Variants in TOX observed in about 807,000 individuals in gnomAD.
TOX encodes the protein thymocyte selection-associated high mobility group box protein TOX.
In TOX, 11 loss-of-function variants were observed where a neutral mutation model predicts 53.7. The observed-to-expected ratio is 0.20, with a 90% CI of 0.13 to 0.34. The LOEUF is 0.34. Ranked by LOEUF, TOX falls within the 10% of genes least tolerant of loss-of-function variation. The pLI is 1.00. For synonymous variants in TOX, 225 were observed against 245.3 expected, an observed-to-expected ratio of 0.92 and a Z score of 0.77; for missense variants, 570 against 664.6, an observed-to-expected ratio of 0.86 and a Z score of 1.56.
intron 1 of TOX, among the ~76,000 whole-genome samples, chr8:59,086,806 A>C (rs1334629727): frequency 1.3e-5 from 2 of 152,178 alleles, no homozygotes; most frequent in Non-Finnish European, 2.9e-5. Context: ...GCCTTAAGGC[A>C]CTCTCTGATG....
intron 1 of TOX, among the ~76,000 whole-genome samples, chr8:58,976,812 G>A (rs1813109426): frequency 6.6e-6 from 1 of 152,204 alleles, no homozygotes; most frequent in Admixed American, 6.5e-5. Context: ...GTGACTAGGT[G>A]CCTTGTTAGT....
chr8:58,890,506 T>C (rs1473019277), intron 3 of TOX, among the ~76,000 whole-genome samples: 1 of 152,094 alleles, frequency 6.6e-6, no homozygotes, highest in Non-Finnish European at 1.5e-5. Context: ...ATTGGATATA[T>C]GAGGAACAAG....
rs141034777 is a variant in TOX at position 58,950,326 on chromosome 8, T to C, written c.168+9617A>G. 2.1e-3 allele frequency among the ~76,000 whole-genome samples: 317 copies of C among 152,312 alleles called. 1 individual carries two copies. Among genetic ancestry groups the C allele is most frequent in the African/African-American group, 7.2e-3 (300 of 41,574 alleles). The stretch of plus-strand genomic sequence containing the variant: ...TGTCTCTTGAGTAGAAATCAACAAA[T>C]GCTGGGTGCAAACTCACATTCTGCA... On this transcript the variant is annotated intron_variant, in intron 2 of 8. Coordinates refer to ENST00000361421, the MANE Select transcript of TOX (RefSeq NM_014729.3).
rs2129425388 is a variant in TOX at position 59,117,983 on chromosome 8, TA to T, written c.102+902del. Among the ~76,000 whole-genome samples, 1 of 151,714 alleles carries T rather than the reference TA, an allele frequency of 6.6e-6. No individual in the cohort carries two copies. Among genetic ancestry groups the T allele is most frequent in the Non-Finnish European group, 1.5e-5 (1 of 67,850 alleles). Reference sequence around the variant, plus strand: ...GAGAGAGTTCGAGAAGCCGGGAGAGTAACCCCCTCCCTCGTACCCCCTGACT... The same window carrying T: ...GAGAGAGTTCGAGAAGCCGGGAGAGTACCCCCTCCCTCGTACCCCCTGACT... On this transcript the variant is annotated intron_variant, in intron 1 of 8. Coordinates refer to ENST00000361421, the MANE Select transcript of TOX (RefSeq NM_014729.3). This position sits in a 1 kb window ranked among gnomAD's most constrained non-coding sequence, Gnocchi z 4.6.
rs182328952 is a variant in TOX, at chr8:59,059,391, G to T, written c.102+59495C>A. On this transcript the variant is annotated intron_variant, in intron 1 of 8. Coordinates refer to ENST00000361421, the MANE Select transcript of TOX (RefSeq NM_014729.3). Reference sequence around the variant, plus strand: ...CGGAAGAAAATAATTTAATTGGAAGGTAAAAAGAAGAAATATTTTACTCTT... The same window carrying T: ...CGGAAGAAAATAATTTAATTGGAAGTTAAAAAGAAGAAATATTTTACTCTT... 1.4e-4 allele frequency among the ~76,000 whole-genome samples: 21 copies of T among 152,142 alleles called. 1 individual carries two copies. In the East Asian group the frequency reaches 3.5e-3, roughly 25 times the overall value.
intron 6 of TOX, among the ~76,000 whole-genome samples, chr8:58,816,817 C>T (rs1214101368): frequency 6.6e-6 from 1 of 152,192 alleles, no homozygotes; most frequent in African/African-American, 2.4e-5. Flanking sequence ...CAATGCACCA[C>T]CGGGCAACCC....
intron 1 of TOX, among the ~76,000 whole-genome samples, chr8:59,062,392 C>CA (rs1804001585): frequency 6.6e-6 from 1 of 152,092 alleles, no homozygotes; most frequent in African/African-American, 2.4e-5. Context: ...AGGGCTGGTG[C>CA]AGGATGGTGG....
At chr8:59,033,761 A>G (rs1445374186) in intron 1 of TOX, among the ~76,000 whole-genome samples, 2 of 152,214 alleles carry the variant, frequency 1.3e-5, no homozygotes, top group Non-Finnish European at 2.9e-5. Context: ...TTTCCGACAG[A>G]GCCCACACTG....
intron 1 of TOX, among the ~76,000 whole-genome samples, chr8:58,978,431 A>G (rs1390429418): frequency 6.6e-6 from 1 of 152,172 alleles, no homozygotes; most frequent in African/African-American, 2.4e-5. Flanking sequence ...TCTGGGACCC[A>G]CCTTTGCAAG....
chr8:58,965,092 T>C lies in TOX; in HGVS notation c.103-5084A>G, dbSNP rs540657722. On this transcript the variant is annotated intron_variant, in intron 1 of 8. Transcript: ENST00000361421. The stretch of plus-strand genomic sequence containing the variant: ...CTTAGAAGTCAACTGAATTTAGGCA[T>C]CATAACTTTTCAAAATATATCTAAG... 1.4e-4 allele frequency among the ~76,000 whole-genome samples: 21 copies of C among 152,342 alleles called. No individual in the cohort carries two copies. The South Asian group carries it at 3.9e-3, about 29-fold the overall frequency.
chr8:59,077,851 C>T (rs1011065476), intron 1 of TOX, among the ~76,000 whole-genome samples: 1 of 152,140 alleles, frequency 6.6e-6, no homozygotes, highest in African/African-American at 2.4e-5. Context: ...GAAAGCCTGG[C>T]AACTCTATAT....
intron 3 of TOX, among the ~76,000 whole-genome samples, chr8:58,902,108 T>C (rs916892216): frequency 6.6e-6 from 1 of 152,200 alleles, no homozygotes; most frequent in African/African-American, 2.4e-5. Context: ...TTTATCTCAG[T>C]GCATTAAAAT....
chr8:58,941,781 G>A (rs1345106057), intron 2 of TOX, among the ~76,000 whole-genome samples: 7 of 152,142 alleles, frequency 4.6e-5, no homozygotes, highest in East Asian at 1.9e-4. Context: ...GGCGGGGCGC[G>A]GTGGCTCATA....
At chr8:58,930,279 A>G (rs2129175636) in intron 3 of TOX, among the ~76,000 whole-genome samples, 1 of 152,304 alleles carries the variant, frequency 6.6e-6, no homozygotes, top group South Asian at 2.1e-4. Flanking sequence ...AGTGGGAACA[A>G]ATAGATTCAT....
intron 1 of TOX, among the ~76,000 whole-genome samples, chr8:59,026,505 T>A (rs1192181827): frequency 6.6e-6 from 1 of 152,192 alleles, no homozygotes; most frequent in African/African-American, 2.4e-5. Context: ...TGCTATAGAC[T>A]CTCCAAGGAT....
intron 1 of TOX, among the ~76,000 whole-genome samples, chr8:58,977,624 T>C (rs924397738): frequency 6.6e-6 from 1 of 152,228 alleles, no homozygotes; most frequent in African/African-American, 2.4e-5. Context: ...AAGTGAGAGA[T>C]GTGAGACTCT....
intron 3 of TOX, among the ~76,000 whole-genome samples, chr8:58,924,516 A>T (rs534177444): frequency 2.1e-3 from 315 of 152,372 alleles, no homozygotes; most frequent in African/African-American, 7.0e-3. Context: ...CACACATTTT[A>T]TGCCTGAATG....
intron 6 of TOX, among the ~76,000 whole-genome samples, chr8:58,816,274 T>C (rs1384039167): frequency 6.6e-6 from 1 of 152,212 alleles, no homozygotes; most frequent in African/African-American, 2.4e-5. Flanking sequence ...AAAACTACAT[T>C]AATATACTCT....
Position 58,851,679 on chromosome 8 carries a change from T to C in TOX, c.538A>G (p.Thr180Ala). The C allele has an allele frequency of 2.5e-6, 4 of 1,613,708 alleles. No homozygotes were observed. The highest frequency in any genetic ancestry group is 3.4e-6 in the Non-Finnish European group (4 of 1,179,846). The change falls in exon 4 of 9, where the codon ACT becomes GCT. Residue 180 changes from threonine (T) to alanine (A), a missense_variant. Physicochemically the swap from Thr to Ala is moderately conservative, Grantham distance 58 (BLOSUM62 0). This residue lies in a region of TOX where 282 missense variants were observed against 315.0 expected (regional missense o/e 0.90). Coordinates refer to ENST00000361421, the MANE Select transcript of TOX (RefSeq NM_014729.3). The surrounding 1 kb of genome is among the most constrained non-coding windows in gnomAD (Gnocchi z 4.4). The stretch of plus-strand genomic sequence containing the variant: ...CTTAGCTGTGACTGGTTAATGGTAG[T>C]CAGCTGGCCATGTGGCATCATTCCT... ...QPGMMPHGQL[T>A]TINQSQLSAQ...
Sources: allele counts gnomAD v4.1 joint callset (sites outside exome capture counted in the v4.1 genomes callset), GRCh38; gene constraint gnomAD v4.1.1; regional missense constraint gnomAD v4.1.1; non-coding constraint Gnocchi (gnomAD v3.1); transcripts MANE v1.5; gene names NCBI Gene and HGNC (gene_info 2026-07-23, HGNC 2026-07-21).